EXOC6B: variants seen among roughly 807,000 people sequenced by gnomAD.
The protein encoded by EXOC6B is SEC15 homolog B.
A neutral mutation model predicts 113.5 loss-of-function variants in EXOC6B; 54 were observed. The ratio of observed to expected loss-of-function variants is 0.48; its 90% CI spans 0.38 to 0.60. EXOC6B has a LOEUF of 0.60. Ranked by LOEUF, EXOC6B falls within the 20% of genes least tolerant of loss-of-function variation. The probability of loss-of-function intolerance (pLI) is 0.00; values close to 1 mark genes in which losing one functional copy is unlikely to be tolerated. For missense variants in EXOC6B, 797 were observed against 977.5 expected (o/e 0.82, Z 2.46); for synonymous variants, 357 against 339.0 (o/e 1.05, Z -0.58).
chr2:72,705,554 C>T (rs1201170918), intron 6 of EXOC6B, among the ~76,000 whole-genome samples: 1 of 152,180 alleles, frequency 6.6e-6, no homozygotes, highest in East Asian at 1.9e-4. Flanking sequence ...TGGCTAACTA[C>T]ACACAGAGAG....
intron 19 of EXOC6B, among the ~76,000 whole-genome samples, chr2:72,338,694 T>A (rs900186365): frequency 3.3e-5 from 5 of 152,082 alleles, no homozygotes; most frequent in African/African-American, 1.2e-4. Context: ...GAATATTTTT[T>A]AAAATATAGG....
intron 20 of EXOC6B, among the ~76,000 whole-genome samples, chr2:72,303,443 A>G (rs1686653610): frequency 6.6e-6 from 1 of 151,110 alleles, no homozygotes; most frequent in African/African-American, 2.4e-5. Flanking sequence ...TCTTTTTATT[A>G]TTTTCTCTTT....
intron 20 of EXOC6B, among the ~76,000 whole-genome samples, chr2:72,186,513 T>G (rs1054105015): frequency 1.3e-4 from 19 of 148,608 alleles, no homozygotes; most frequent in Admixed American, 1.1e-3. Flanking sequence ...GATAGCGTTT[T>G]TTCAATTAAA....
At position 72,379,835 on chromosome 2, in the gene EXOC6B, G is replaced by A; in HGVS notation, c.2016C>T (p.Cys672=). The A allele has an allele frequency of 6.2e-7, 1 of 1,612,744 alleles. No homozygotes were observed. Among genetic ancestry groups the A allele is most frequent in the Non-Finnish European group, 8.5e-7 (1 of 1,179,374 alleles). The stretch of plus-strand genomic sequence containing the variant: ...GCATCAAGGATGTGGCTAAATGCTT[G>A]CAAGCTGACATACACGCTGTCTGGG... The part of the protein sequence containing the change: ...KVAQTACMSA[C]KHLATSLMQL... The change falls in exon 19 of 22, where the codon TGC becomes TGT. Residue 672 remains cysteine, a synonymous_variant. Transcript: ENST00000272427.
At chr2:72,225,026 T>G (rs1681143026) in intron 20 of EXOC6B, among the ~76,000 whole-genome samples, 1 of 122,380 alleles carries the variant, frequency 8.2e-6, no homozygotes, top group Non-Finnish European at 1.9e-5. Context: ...ACTTTTTTTT[T>G]TTTTTAGTAG....
intron 18 of EXOC6B, among the ~76,000 whole-genome samples, chr2:72,394,936 T>C (rs1384326690): frequency 6.6e-6 from 1 of 151,982 alleles, no homozygotes; most frequent in Non-Finnish European, 1.5e-5. Flanking sequence ...AGTGGAGCCC[T>C]CCCAGATGCC....
At chr2:72,635,144 C>A (rs1672733186) in intron 6 of EXOC6B, among the ~76,000 whole-genome samples, 1 of 151,808 alleles carries the variant, frequency 6.6e-6, no homozygotes, top group East Asian at 1.9e-4. Flanking sequence ...TAAGCTTCTA[C>A]CTCAAAAAAC....
At chr2:72,445,959 C>T (rs918815895) in intron 18 of EXOC6B, among the ~76,000 whole-genome samples, 1 of 152,136 alleles carries the variant, frequency 6.6e-6, no homozygotes, top group African/African-American at 2.4e-5. Flanking sequence ...TCACACCAGT[C>T]AGAATGACTA....
intron 6 of EXOC6B, among the ~76,000 whole-genome samples, chr2:72,704,262 A>G (rs2104654686): frequency 6.6e-6 from 1 of 151,326 alleles, no homozygotes; most frequent in East Asian, 1.9e-4. Context: ...ACAAATAAAG[A>G]TGTTCTTTGA....
At chr2:72,725,644 G>A (rs1040745541) in intron 5 of EXOC6B, among the ~76,000 whole-genome samples, 8 of 152,088 alleles carry the variant, frequency 5.3e-5, no homozygotes, top group African/African-American at 1.4e-4. Context: ...TGCCCACCTC[G>A]GCCTCCCAAA....
intron 11 of EXOC6B, among the ~76,000 whole-genome samples, chr2:72,508,162 G>A (rs1320838599): frequency 1.0e-3 from 17 of 16,746 alleles, no homozygotes; most frequent in African/African-American, 2.1e-3. Context: ...AATATTACCC[G>A]CAAAAAAAAA....
At chr2:72,187,333 T>C (rs544885082) in intron 20 of EXOC6B, among the ~76,000 whole-genome samples, 1 of 152,072 alleles carries the variant, frequency 6.6e-6, no homozygotes, top group South Asian at 2.1e-4. Flanking sequence ...GCAGGGGGCA[T>C]ATTTCAGCCA....
chr2:72,607,567 T>A (rs557053654), intron 6 of EXOC6B, among the ~76,000 whole-genome samples: 1 of 152,262 alleles, frequency 6.6e-6, no homozygotes, highest in South Asian at 2.1e-4. Flanking sequence ...TTAGTCCAAG[T>A]CTTTAGGTGA....
intron 11 of EXOC6B, 34 bp from the exon 12 acceptor site, chr2:72,500,006 T>G: frequency 2.2e-6 from 3 of 1,345,330 alleles, no homozygotes; most frequent in South Asian, 2.6e-5. Context: ...AGGAAAAACA[T>G]GTTATTAGTA....
chr2:72,566,011 T>C (rs375742317), intron 7 of EXOC6B, among the ~76,000 whole-genome samples: 1 of 151,796 alleles, frequency 6.6e-6, no homozygotes, highest in African/African-American at 2.4e-5. Context: ...GGTTTTGTTT[T>C]GTTTTTTTTT....
At chr2:72,335,562 A>G (rs1271821923) in intron 19 of EXOC6B, among the ~76,000 whole-genome samples, 2 of 128,770 alleles carry the variant, frequency 1.6e-5, no homozygotes, top group African/African-American at 5.1e-5. Context: ...ACACACACAC[A>G]CACACACACA....
Position 72,388,081 on chromosome 2 carries a change from C to T in EXOC6B, c.1981-8211G>A, listed in dbSNP as rs535011662. Among the ~76,000 whole-genome samples the T allele has an allele frequency of 6.6e-5, 10 of 152,174 alleles. 1 individual carries two copies. The East Asian group carries it at 1.5e-3, about 24-fold the overall frequency. On this transcript the variant is annotated intron_variant, in intron 18 of 21. Coordinates refer to ENST00000272427, the MANE Select transcript of EXOC6B (RefSeq NM_015189.3). ...GCAGGAGGTGGAAGGAGGGGAGAAA[C>T]GCTACTGGCATATCATGGGTAGAGG...
At chr2:72,737,980 T>A (rs1681071969) in intron 2 of EXOC6B, among the ~76,000 whole-genome samples, 1 of 152,188 alleles carries the variant, frequency 6.6e-6, no homozygotes, top group African/African-American at 2.4e-5. Context: ...ATCCTAATAC[T>A]CTGTATTTTA....
chr2:72,656,346 T>C (rs1269361412), intron 6 of EXOC6B, among the ~76,000 whole-genome samples: 1 of 152,066 alleles, frequency 6.6e-6, no homozygotes, highest in Non-Finnish European at 1.5e-5. Flanking sequence ...GATTTCTATC[T>C]CATACTAAAA....
Sources: gnomAD v4.1 joint callset for allele counts (sites outside exome capture counted in the v4.1 genomes callset) on GRCh38, gnomAD v4.1.1 for gene constraint, MANE v1.5 for transcripts, NCBI Gene and HGNC (gene_info 2026-07-23, HGNC 2026-07-21) for gene names.